LRP1B: variants seen among roughly 807,000 people sequenced by gnomAD.
The protein encoded by LRP1B is low-density lipoprotein receptor-related protein 1B.
In LRP1B, 217 loss-of-function variants were observed where a neutral mutation model predicts 556.6. The observed-to-expected ratio is 0.39, with a 90% CI of 0.35 to 0.44. LRP1B has a LOEUF of 0.44. Among genes scored for constraint, LRP1B ranks in the 20% least tolerant of loss-of-function variants. The probability of loss-of-function intolerance (pLI) is 1.00; values close to 1 mark genes in which losing one functional copy is unlikely to be tolerated. For synonymous variants in LRP1B, 2,047 were observed against 1,865.8 expected (o/e 1.10, Z -2.50); for missense variants, 5,053 against 5,620.8 (o/e 0.90, Z 3.23).
intron 2 of LRP1B, among the ~76,000 whole-genome samples, chr2:141,665,370 C>T (rs1433360004): frequency 6.6e-6 from 1 of 152,108 alleles, no homozygotes; most frequent in Non-Finnish European, 1.5e-5. Context: ...AAATCAAAAC[C>T]ACAATGAGAT....
At chr2:141,081,106 T>A (rs1377931259) in intron 7 of LRP1B, among the ~76,000 whole-genome samples, 1 of 152,212 alleles carries the variant, frequency 6.6e-6, no homozygotes, top group East Asian at 1.9e-4. Context: ...ATGCTGGGAC[T>A]ATAGGCATGA....
At chr2:141,298,435 C>T (rs1278743549) in intron 3 of LRP1B, among the ~76,000 whole-genome samples, 1 of 152,134 alleles carries the variant, frequency 6.6e-6, no homozygotes, top group Non-Finnish European at 1.5e-5. Flanking sequence ...GACAATTTGT[C>T]ATGACTCTGT....
At chr2:141,890,395 A>ATATATATATATATGTATAGTG (rs776446945) in intron 1 of LRP1B, among the ~76,000 whole-genome samples, 1 of 122,542 alleles carries the variant, frequency 8.2e-6, no homozygotes, top group Non-Finnish European at 1.5e-5. Context: ...TATATAGTGT[A>ATATATATATATATGTATAGTG]TATATATATA....
intron 11 of LRP1B, among the ~76,000 whole-genome samples, chr2:141,022,977 G>C (rs528776996): frequency 5.3e-4 from 80 of 151,520 alleles, no homozygotes; most frequent in Non-Finnish European, 7.2e-4. Context: ...TGCATCAATA[G>C]GCAAGGAGTT....
intron 49 of LRP1B, among the ~76,000 whole-genome samples, chr2:140,521,638 A>G (rs1269488022): frequency 6.6e-6 from 1 of 152,010 alleles, no homozygotes; most frequent in East Asian, 1.9e-4. Flanking sequence ...TGACACTAAA[A>G]ATCACCTAGC....
chr2:141,649,199 T>C (rs1574192994), intron 2 of LRP1B, among the ~76,000 whole-genome samples: 1 of 152,222 alleles, frequency 6.6e-6, no homozygotes, highest in Non-Finnish European at 1.5e-5. Flanking sequence ...GGGTTATCTT[T>C]TGGACACATG....
At chr2:141,998,291 C>G (rs1292067229) in intron 1 of LRP1B, among the ~76,000 whole-genome samples, 1 of 152,090 alleles carries the variant, frequency 6.6e-6, no homozygotes, top group East Asian at 1.9e-4. Context: ...TTCTCTCTCT[C>G]TCTACTTTGA....
intron 1 of LRP1B, among the ~76,000 whole-genome samples, chr2:141,942,296 T>C (rs1034120210): frequency 3.9e-5 from 6 of 152,140 alleles, no homozygotes; most frequent in Non-Finnish European, 7.4e-5. Flanking sequence ...AAGTAAATAG[T>C]TATATGGGTA....
intron 2 of LRP1B, among the ~76,000 whole-genome samples, chr2:141,644,518 A>C (rs1374168470): frequency 6.6e-6 from 1 of 152,098 alleles, no homozygotes; most frequent in East Asian, 1.9e-4. Context: ...ACAATCAGCA[A>C]TTACTTTTTG....
intron 1 of LRP1B, among the ~76,000 whole-genome samples, chr2:142,103,960 G>T (rs1270919405): frequency 1.3e-5 from 2 of 152,112 alleles, no homozygotes; most frequent in African/African-American, 2.4e-5. Flanking sequence ...GTGCATACTT[G>T]TTGAGCTTCA....
At chr2:141,051,082 A>G (rs1266255199) in intron 10 of LRP1B, among the ~76,000 whole-genome samples, 1 of 152,152 alleles carries the variant, frequency 6.6e-6, no homozygotes, top group African/African-American at 2.4e-5. Flanking sequence ...ATGAGATACT[A>G]TCTCGCACCA....
chr2:140,886,860 C>T (rs972238740), intron 23 of LRP1B, among the ~76,000 whole-genome samples: 5 of 151,796 alleles, frequency 3.3e-5, no homozygotes, highest in Admixed American at 2.0e-4. Context: ...CTGCAGAGTC[C>T]AAAAAAATCA....
At chr2:141,755,885 C>T (rs962949923) in intron 2 of LRP1B, among the ~76,000 whole-genome samples, 1 of 151,936 alleles carries the variant, frequency 6.6e-6, no homozygotes, top group African/African-American at 2.4e-5. Context: ...TGGGAAATCA[C>T]ATAGGTCTAA....
chr2:140,510,112 C>A (rs2104918135), intron 51 of LRP1B, 56 bp from the exon 52 acceptor site: 1 of 1,573,316 alleles, frequency 6.4e-7, no homozygotes, highest in South Asian at 1.2e-5. Context: ...TGGAAAATGT[C>A]TACCATTTAC....
intron 66 of LRP1B, among the ~76,000 whole-genome samples, chr2:140,427,230 C>G (rs1014080822): frequency 6.6e-6 from 1 of 151,950 alleles, no homozygotes; most frequent in African/African-American, 2.4e-5. Context: ...TCCGCGAGGA[C>G]GCCTGCCTTG....
intron 60 of LRP1B, 126 bp from the exon 61 acceptor site, chr2:140,457,777 T>A: frequency 1.4e-6 from 1 of 735,898 alleles, no homozygotes; most frequent in East Asian, 2.7e-5. Flanking sequence ...TGTGACAACC[T>A]GTCAGGCCAG....
intron 35 of LRP1B, among the ~76,000 whole-genome samples, chr2:140,729,213 C>T (rs1316617334): frequency 6.6e-6 from 1 of 152,000 alleles, no homozygotes; most frequent in Non-Finnish European, 1.5e-5. Context: ...TCAGACACTG[C>T]TATATGTTTC....
intron 27 of LRP1B, 40 bp from the exon 28 acceptor site, chr2:140,851,823 G>A (rs2105122401): frequency 6.4e-7 from 1 of 1,559,064 alleles, no homozygotes. Context: ...GAAGAAGGAA[G>A]AATGTATTAG....
At chr2:142,011,899 G>T (rs751065053) in intron 1 of LRP1B, among the ~76,000 whole-genome samples, 10 of 151,928 alleles carry the variant, frequency 6.6e-5, no homozygotes, top group Non-Finnish European at 1.5e-4. Flanking sequence ...AGTGGAGAAG[G>T]TCATAATTCA....
Sources: gnomAD v4.1 joint callset for allele counts (sites outside exome capture counted in the v4.1 genomes callset) on GRCh38, gnomAD v4.1.1 for gene constraint, MANE v1.5 for transcripts, NCBI Gene and HGNC (gene_info 2026-07-23, HGNC 2026-07-21) for gene names.